The following CD200R1 variants were observed in gnomAD, a reference collection of about 807,000 sequenced individuals.
CD200R1 encodes CD200 receptor 1.
CD200R1 carries 30 observed loss-of-function variants against 38.1 expected under a neutral mutation model. The observed-to-expected ratio is 0.79, with a 90% CI of 0.59 to 1.07. CD200R1 has a LOEUF of 1.07. Ranked by LOEUF, CD200R1 falls within the 50% of genes least tolerant of loss-of-function variation. The probability of loss-of-function intolerance (pLI) is 0.00; values close to 1 mark genes in which losing one functional copy is unlikely to be tolerated. For synonymous variants in CD200R1, 128 were observed against 152.1 expected (o/e 0.84, Z 1.16); for missense variants, 372 against 415.4 (o/e 0.90, Z 0.91).
intron 1 of CD200R1, among the ~76,000 whole-genome samples, chr3:112,973,137 A>AT (rs113247263): frequency 1.8e-4 from 28 of 152,078 alleles, no homozygotes; most frequent in African/African-American, 4.1e-4. Flanking sequence ...TGTTTTAATC[A>AT]TTTTTTTTCC....
chr3:112,922,324 TA>T lies in CD200R1; in HGVS notation c.*1352del, dbSNP rs1397496689. On this transcript the variant is annotated 3_prime_UTR_variant, in exon 8 of 8. Coordinates refer to ENST00000308611, the MANE Select transcript of CD200R1 (RefSeq NM_138806.4). ...GAGCAAATAGACTTATGTTTTTAAT[TA>T]AAAATAATTTCATGATATTAACAAT... The T allele has an allele frequency of 6.6e-6, 1 of 152,016 alleles. No homozygotes were observed. Among genetic ancestry groups the T allele is most frequent in the Non-Finnish European group, 1.5e-5 (1 of 67,940 alleles). 9.4% of individuals were successfully genotyped at this position (152,016 alleles called of 1,614,324 possible). A position where few individuals can be genotyped will look rare whatever the true frequency, so the allele number is the denominator to read the frequency against.
At position 112,928,886 on chromosome 3, in the gene CD200R1, A is replaced by C; in HGVS notation, c.699T>G (p.Asn233Lys). Residue 233 changes from asparagine (N) to lysine (K), a missense_variant, in exon 5 of 8, where the codon AAT becomes AAG. By Grantham distance (94) the Asn-to-Lys change is moderately conservative. Coordinates refer to ENST00000308611, the MANE Select transcript of CD200R1 (RefSeq NM_138806.4). ...AGACGTGGCAGGTCACGGTAGACAC[A>C]TTGTGGACCTCCCAGTGGCATGTAC... ...VKSTCHWEVH[N>K]VSTVTCHVSH... 1 of 1,613,966 alleles carries C rather than the reference A, an allele frequency of 6.2e-7. No homozygotes were observed. Among genetic ancestry groups the C allele is most frequent in the Non-Finnish European group, 8.5e-7 (1 of 1,179,996 alleles).
At position 112,947,880 on chromosome 3, in the gene CD200R1, T is replaced by A; in HGVS notation, c.112A>T (p.Thr38Ser). ...CCTAAAGCATGATTCTCCTTGCTAG[T>A]TTGCAGCATTAATGAGTTGTTTGGT... is the stretch of plus-strand genomic sequence containing the variant. The part of the protein sequence containing the change: ...AQPNNSLMLQ[T>S]SKENHALASS... Residue 38 changes from threonine to serine, a missense_variant, in exon 2 of 8, where the codon ACT becomes TCT. By Grantham distance (58) the Thr-to-Ser change is moderately conservative. Coordinates refer to ENST00000308611, the MANE Select transcript of CD200R1 (RefSeq NM_138806.4). The A allele has an allele frequency of 3.7e-6, 6 of 1,613,068 alleles. No homozygotes were observed. Among genetic ancestry groups the A allele is most frequent in the Non-Finnish European group, 5.1e-6 (6 of 1,179,012 alleles).
chr3:112,925,121 A>G lies in CD200R1; in HGVS notation c.842T>C (p.Val281Ala). 1 of 1,607,380 alleles carries G rather than the reference A, an allele frequency of 6.2e-7. No homozygotes were observed. The highest frequency in any genetic ancestry group is 8.5e-7 in the Non-Finnish European group (1 of 1,174,882). ...IILTIIILTIVGFIWLLKVNG... is the reference protein window; with the variant it reads ...IILTIIILTIAGFIWLLKVNG... ...GACTTTCAACAACCAAATGAATCCC[A>G]CGATGGTCAAAATAATAATAGTAAG... Residue 281 changes from valine to alanine, a missense_variant, in exon 6 of 8, where the codon GTG becomes GCG. Transcript: ENST00000308611.
chr3:112,930,564 A>G (rs1940405135), intron 3 of CD200R1, among the ~76,000 whole-genome samples: 1 of 152,230 alleles, frequency 6.6e-6, no homozygotes, highest in Non-Finnish European at 1.5e-5. Context: ...GTGACTTGGT[A>G]AGGGTTTACT....
chr3:112,934,644 A>G (rs1940534022), intron 2 of CD200R1, among the ~76,000 whole-genome samples: 1 of 152,158 alleles, frequency 6.6e-6, no homozygotes, highest in South Asian at 2.1e-4. Context: ...AGCCCGGCCA[A>G]CATGATGAAA....
At chr3:112,964,322 C>T (rs1291587836) in intron 1 of CD200R1, among the ~76,000 whole-genome samples, 1 of 152,170 alleles carries the variant, frequency 6.6e-6, no homozygotes, top group Admixed American at 6.5e-5. Context: ...TTGCACTCTG[C>T]CCCTGTAAAG....
At chr3:112,928,284 G>A (rs927007567) in intron 5 of CD200R1, among the ~76,000 whole-genome samples, 1 of 152,170 alleles carries the variant, frequency 6.6e-6, no homozygotes, top group African/African-American at 2.4e-5. Context: ...CTTTAAATAT[G>A]TTTGTTGATA....
At chr3:112,954,078 CT>C (rs1386216769) in intron 1 of CD200R1, among the ~76,000 whole-genome samples, 1 of 151,930 alleles carries the variant, frequency 6.6e-6, no homozygotes, top group African/African-American at 2.4e-5. Context: ...ATAAATCTTC[CT>C]CTTATAGCTG....
chr3:112,932,007 AAG>A (rs1427249736), intron 2 of CD200R1, among the ~76,000 whole-genome samples: 4 of 152,148 alleles, frequency 2.6e-5, no homozygotes, highest in Non-Finnish European at 5.9e-5. Flanking sequence ...AGCTACTGAA[AAG>A]AGTTATTTCA....
intron 2 of CD200R1, among the ~76,000 whole-genome samples, chr3:112,934,753 C>A (rs147636661): frequency 6.6e-6 from 1 of 152,062 alleles, no homozygotes; most frequent in Non-Finnish European, 1.5e-5. Flanking sequence ...TTGCTTGAAC[C>A]GGGGAAGCAG....
chr3:112,957,889 T>C (rs1266163014), intron 1 of CD200R1, among the ~76,000 whole-genome samples: 2 of 152,114 alleles, frequency 1.3e-5, no homozygotes, highest in South Asian at 2.1e-4. Flanking sequence ...TGCAAAGATG[T>C]TCAATATTAG....
At chr3:112,934,836 A>G (rs1940539705) in intron 2 of CD200R1, among the ~76,000 whole-genome samples, 1 of 152,056 alleles carries the variant, frequency 6.6e-6, no homozygotes, top group Non-Finnish European at 1.5e-5. Flanking sequence ...ATCTCAAAAA[A>G]CCAACTATAT....
intron 3 of CD200R1, among the ~76,000 whole-genome samples, chr3:112,930,412 G>A (rs532339123): frequency 1.3e-5 from 2 of 152,050 alleles, no homozygotes; most frequent in African/African-American, 4.8e-5. Flanking sequence ...TTTTATTTCT[G>A]TATATTCAAT....
At chr3:112,963,618 G>C (rs1282574128) in intron 1 of CD200R1, among the ~76,000 whole-genome samples, 1 of 152,176 alleles carries the variant, frequency 6.6e-6, no homozygotes, top group Non-Finnish European at 1.5e-5. Flanking sequence ...AAGTATTCAA[G>C]ATGCGACTTG....
chr3:112,952,553 G>A (rs578223487), intron 1 of CD200R1, among the ~76,000 whole-genome samples: 8 of 151,776 alleles, frequency 5.3e-5, no homozygotes, highest in Non-Finnish European at 8.8e-5. Context: ...ACCAAACACC[G>A]CATATTCTCA....
intron 1 of CD200R1, among the ~76,000 whole-genome samples, chr3:112,952,328 T>C (rs1302659491): frequency 1.3e-5 from 2 of 152,218 alleles, no homozygotes; most frequent in East Asian, 1.9e-4. Flanking sequence ...TAATTTTTAA[T>C]GTTGATTTTG....
At chr3:112,936,047 ACT>A (rs1194729390) in intron 2 of CD200R1, among the ~76,000 whole-genome samples, 1 of 152,088 alleles carries the variant, frequency 6.6e-6, no homozygotes, top group East Asian at 1.9e-4. Flanking sequence ...GAGAAAATGC[ACT>A]GTTTGGTTTT....
intron 1 of CD200R1, among the ~76,000 whole-genome samples, chr3:112,966,751 T>C (rs1307393590): frequency 6.6e-6 from 1 of 151,996 alleles, no homozygotes; most frequent in Non-Finnish European, 1.5e-5. Context: ...TCCCCTATGT[T>C]GGTAGAAAAA....
Sources: gnomAD v4.1 joint callset for allele counts (sites outside exome capture counted in the v4.1 genomes callset) on GRCh38, gnomAD v4.1.1 for gene constraint, MANE v1.5 for transcripts, NCBI Gene and HGNC (gene_info 2026-07-23, HGNC 2026-07-21) for gene names.